MAP3K7: variants seen among roughly 807,000 people sequenced by gnomAD.
MAP3K7 encodes the protein TGF-beta activated kinase 1.
Under a neutral mutation model 84.8 loss-of-function variants are expected in MAP3K7, and 21 were observed. The ratio of observed to expected loss-of-function variants is 0.25; its 90% CI spans 0.18 to 0.36. The LOEUF is 0.36. Ranked by LOEUF, MAP3K7 falls within the 10% of genes least tolerant of loss-of-function variation. The pLI, the probability that MAP3K7 is intolerant of heterozygous loss-of-function variation, is 1.00. For missense variants in MAP3K7, 503 were observed against 747.7 expected (o/e 0.67, Z 3.82); for synonymous variants, 241 against 247.7 (o/e 0.97, Z 0.25).
chr6:90,549,791 A>G (rs1776124050), intron 9 of MAP3K7, among the ~76,000 whole-genome samples: 1 of 152,206 alleles, frequency 6.6e-6, no homozygotes, highest in South Asian at 2.1e-4. Flanking sequence ...CCAAGCAGTA[A>G]CCATCTTAAA....
intron 1 of MAP3K7, among the ~76,000 whole-genome samples, chr6:90,576,658 AAAGG>A (rs372105400): frequency 1.8e-4 from 28 of 152,262 alleles, no homozygotes; most frequent in African/African-American, 6.3e-4. Flanking sequence ...AGACAAATAA[AAAGG>A]AAGGGAGTTG....
At chr6:90,581,721 A>T (rs1311400667) in intron 1 of MAP3K7, among the ~76,000 whole-genome samples, 4 of 152,194 alleles carry the variant, frequency 2.6e-5, no homozygotes, top group Non-Finnish European at 4.4e-5. Context: ...TTTCTACTGA[A>T]ATCAGTGGTC....
intron 1 of MAP3K7, among the ~76,000 whole-genome samples, chr6:90,573,107 T>C (rs1776959762): frequency 6.6e-6 from 1 of 152,174 alleles, no homozygotes. Context: ...CTGTCCTCAT[T>C]TTACAGTTGA....
chr6:90,547,946 A>G, intron 10 of MAP3K7, 101 bp downstream of exon 10: 1 of 977,188 alleles, frequency 1.0e-6, no homozygotes, highest in Non-Finnish European at 1.4e-6. Flanking sequence ...AAGAAAATTC[A>G]GGATTTATAA....
intron 12 of MAP3K7, among the ~76,000 whole-genome samples, chr6:90,540,321 T>C (rs186438300): frequency 6.6e-6 from 1 of 151,984 alleles, no homozygotes; most frequent in African/African-American, 2.4e-5. Flanking sequence ...GGTTCTCAAA[T>C]TGAAGCACTT....
At chr6:90,557,352 T>C (rs1776369543) in intron 5 of MAP3K7, among the ~76,000 whole-genome samples, 1 of 152,166 alleles carries the variant, frequency 6.6e-6, no homozygotes, top group African/African-American at 2.4e-5. Flanking sequence ...TGTAGTAATA[T>C]CCAATAGCAG....
At chr6:90,549,673 G>C (rs1383752525) in intron 9 of MAP3K7, among the ~76,000 whole-genome samples, 1 of 152,000 alleles carries the variant, frequency 6.6e-6, no homozygotes, top group Non-Finnish European at 1.5e-5. Flanking sequence ...TGAAGAGAGA[G>C]TTTAGAGGAC....
intron 1 of MAP3K7, among the ~76,000 whole-genome samples, chr6:90,580,379 C>T (rs1336096284): frequency 6.6e-6 from 1 of 152,168 alleles, no homozygotes; most frequent in Non-Finnish European, 1.5e-5. Context: ...TTATTTACTA[C>T]CAAATTTCTA....
At chr6:90,578,883 T>A (rs138289571) in intron 1 of MAP3K7, among the ~76,000 whole-genome samples, 36 of 152,354 alleles carry the variant, frequency 2.4e-4, no homozygotes, top group African/African-American at 8.7e-4. Context: ...TAATGCAACC[T>A]TATATTTAAC....
intron 13 of MAP3K7, among the ~76,000 whole-genome samples, chr6:90,525,420 C>T (rs1259389086): frequency 6.6e-6 from 1 of 152,028 alleles, no homozygotes; most frequent in African/African-American, 2.4e-5. Flanking sequence ...ATCTCCTGGC[C>T]CCAAGTGACC....
intron 13 of MAP3K7, among the ~76,000 whole-genome samples, chr6:90,524,851 A>G (rs1582163339): frequency 6.6e-6 from 1 of 152,336 alleles, no homozygotes; most frequent in East Asian, 1.9e-4. Context: ...CACTGACTTA[A>G]AACTCCTTGT....
At chr6:90,576,393 A>G (rs1177712888) in intron 1 of MAP3K7, among the ~76,000 whole-genome samples, 1 of 150,162 alleles carries the variant, frequency 6.7e-6, no homozygotes, top group Non-Finnish European at 1.5e-5. Flanking sequence ...ACTGAACTCC[A>G]GCCTGGGCAA....
intron 16 of MAP3K7, among the ~76,000 whole-genome samples, chr6:90,517,721 CT>C (rs2127953921): frequency 6.6e-6 from 1 of 151,748 alleles, no homozygotes; most frequent in Non-Finnish European, 1.5e-5. Flanking sequence ...AATTTTTTCT[CT>C]CTTTTTTTTG....
At chr6:90,551,983 TTCC>T in intron 8 of MAP3K7, 63 bp downstream of exon 8, 1 of 1,501,648 alleles carries the variant, frequency 6.7e-7, no homozygotes, top group South Asian at 1.3e-5. Flanking sequence ...CCTTTTAAAA[TTCC>T]ATTAAAACTC....
At chr6:90,532,263 T>C (rs1308492415) in intron 13 of MAP3K7, among the ~76,000 whole-genome samples, 1 of 152,234 alleles carries the variant, frequency 6.6e-6, no homozygotes, top group African/African-American at 2.4e-5. Context: ...TGGATTTTAC[T>C]TCTTTCCAAG....
chr6:90,564,151 C>A (rs925598592), intron 3 of MAP3K7, among the ~76,000 whole-genome samples: 8 of 152,162 alleles, frequency 5.3e-5, no homozygotes, highest in African/African-American at 9.7e-5. Context: ...CAGGAAGAAA[C>A]TGCATCAACT....
At chr6:90,526,265 A>G (rs1471968649) in intron 13 of MAP3K7, among the ~76,000 whole-genome samples, 1 of 152,200 alleles carries the variant, frequency 6.6e-6, no homozygotes, top group Admixed American at 6.5e-5. Flanking sequence ...AACATAAGTG[A>G]CTTTACGCCT....
At chr6:90,569,074 C>G (rs1283180680) in intron 2 of MAP3K7, among the ~76,000 whole-genome samples, 1 of 152,078 alleles carries the variant, frequency 6.6e-6, no homozygotes, top group Non-Finnish European at 1.5e-5. Context: ...TGCGTGGGGC[C>G]CTAATGTGCA....
chr6:90,524,798 G>A (rs34972510), intron 13 of MAP3K7, among the ~76,000 whole-genome samples: 4,116 of 152,198 alleles, frequency 0.027, 68 homozygotes, highest in Middle Eastern at 0.044. Flanking sequence ...AAACAAACAA[G>A]ATGGCACTAA....
Sources: allele counts gnomAD v4.1 joint callset (sites outside exome capture counted in the v4.1 genomes callset), GRCh38; gene constraint gnomAD v4.1.1; transcripts MANE v1.5; gene names NCBI Gene and HGNC (gene_info 2026-07-23, HGNC 2026-07-21).